CNOT6L: variants seen among roughly 807,000 people sequenced by gnomAD.
CNOT6L encodes CCR4-NOT transcription complex subunit 6 like.
A neutral mutation model predicts 64.0 loss-of-function variants in CNOT6L; 7 were observed. The observed-to-expected ratio is 0.11, with a 90% CI of 0.06 to 0.21. CNOT6L has a LOEUF of 0.21. CNOT6L is among the 10% of genes least tolerant of loss of function. The pLI is 1.00. For missense variants in CNOT6L, 245 were observed against 669.0 expected (o/e 0.37, Z 6.99); for synonymous variants, 193 against 243.4 (o/e 0.79, Z 1.93).
chr4:77,818,975 TGCGA>T lies in CNOT6L; in HGVS notation c.5+325_5+328del, dbSNP rs779638506. 6 of 664,488 alleles carry T rather than the reference TGCGA, an allele frequency of 9.0e-6. No individual in the cohort carries two copies. In the South Asian group the frequency reaches 9.2e-5, roughly 10 times the overall value. The allele number at this position is 664,488 out of a possible 1,614,324, so 41.2% of individuals were successfully genotyped here. A position where few individuals can be genotyped will look rare whatever the true frequency, so the allele number is the denominator to read the frequency against. ...CGGCCCCCTAGGAGCAGCTCTCACCTGCGAGGCTCGGGAGCCGCAGCCACAAAGC... is the reference window on the plus strand; with the variant it reads ...CGGCCCCCTAGGAGCAGCTCTCACCTGGCTCGGGAGCCGCAGCCACAAAGC... On this transcript the variant is annotated intron_variant, in intron 1 of 11. Transcript: ENST00000504123.
intron 1 of CNOT6L, among the ~76,000 whole-genome samples, chr4:77,810,599 A>T (rs2110176126): frequency 6.6e-6 from 1 of 152,314 alleles, no homozygotes; most frequent in South Asian, 2.1e-4. Context: ...AGATCAAGGT[A>T]ATCAGCATAT....
chr4:77,801,275 T>C (rs1366587784), intron 1 of CNOT6L, among the ~76,000 whole-genome samples: 1 of 152,194 alleles, frequency 6.6e-6, no homozygotes, highest in Non-Finnish European at 1.5e-5. Flanking sequence ...CTTCAATTCC[T>C]AGGTTTTCCT....
intron 1 of CNOT6L, among the ~76,000 whole-genome samples, chr4:77,798,875 A>G (rs1363514900): frequency 1.3e-5 from 2 of 151,538 alleles, no homozygotes; most frequent in African/African-American, 4.8e-5. Flanking sequence ...CCAGCTACTA[A>G]GGCAGCCGAG....
chr4:77,817,980 G>A (rs557467926), intron 1 of CNOT6L, among the ~76,000 whole-genome samples: 2 of 152,214 alleles, frequency 1.3e-5, no homozygotes, highest in African/African-American at 4.8e-5. Context: ...ATGTACTGTA[G>A]ACCTATTGGC....
At chr4:77,807,673 G>C (rs183208277) in intron 1 of CNOT6L, among the ~76,000 whole-genome samples, 33 of 152,346 alleles carry the variant, frequency 2.2e-4, no homozygotes, top group African/African-American at 7.5e-4. Context: ...ATATGTGAGA[G>C]AGAGTAGTAA....
At chr4:77,775,480 T>C (rs1728048276) in intron 2 of CNOT6L, among the ~76,000 whole-genome samples, 1 of 151,846 alleles carries the variant, frequency 6.6e-6, no homozygotes, top group Non-Finnish European at 1.5e-5. Context: ...ACACAGAGAG[T>C]TCCTATATAC....
intron 1 of CNOT6L, among the ~76,000 whole-genome samples, chr4:77,816,513 T>C (rs945944269): frequency 3.3e-5 from 5 of 152,154 alleles, no homozygotes; most frequent in African/African-American, 1.2e-4. Flanking sequence ...TTCTAATAGT[T>C]GCCCCTAGTT....
Position 77,742,343 on chromosome 4 carries a change from G to A in CNOT6L, c.718-48C>T, listed in dbSNP as rs368006951. The A allele has an allele frequency of 4.0e-6, 6 of 1,502,690 alleles. No individual in the cohort carries two copies. The African/African-American group carries it at 5.5e-5, about 14-fold the overall frequency. 93.1% of individuals were successfully genotyped at this position (1,502,690 alleles called of 1,614,324 possible). The stretch of plus-strand genomic sequence containing the variant: ...ATCTATATGACAGAGGGAAAATGCT[G>A]ATTAAGATATAAAAATGTTCAGCAT... On this transcript the variant is annotated intron_variant, in intron 7 of 11. Transcript: ENST00000504123.
chr4:77,797,818 AC>A (rs1354589615), intron 1 of CNOT6L, among the ~76,000 whole-genome samples: 1 of 152,184 alleles, frequency 6.6e-6, no homozygotes, highest in African/African-American at 2.4e-5. Flanking sequence ...TATATCCTCC[AC>A]AAATAAGGGT....
chr4:77,771,585 T>G (rs1727564654), intron 4 of CNOT6L, among the ~76,000 whole-genome samples: 1 of 152,214 alleles, frequency 6.6e-6, no homozygotes, highest in Non-Finnish European at 1.5e-5. Flanking sequence ...CCCTCTCTAC[T>G]TCATATGTGA....
intron 4 of CNOT6L, among the ~76,000 whole-genome samples, chr4:77,767,980 C>CA (rs11455356): frequency 0.34 from 28,899 of 85,642 alleles, 2,870 homozygotes; most frequent in East Asian, 0.48. Flanking sequence ...ACTTTGTCCC[C>CA]AAAAAAAAAA....
intron 9 of CNOT6L, among the ~76,000 whole-genome samples, chr4:77,730,391 ATAT>A (rs1722314447): frequency 6.6e-6 from 1 of 152,106 alleles, no homozygotes; most frequent in South Asian, 2.1e-4. Flanking sequence ...CATAAGCACT[ATAT>A]TACTAAATTC....
At chr4:77,736,829 AC>A (rs1259989709) in intron 8 of CNOT6L, among the ~76,000 whole-genome samples, 1 of 152,202 alleles carries the variant, frequency 6.6e-6, no homozygotes, top group Non-Finnish European at 1.5e-5. Flanking sequence ...TGAAAAAAAA[AC>A]TAGACGAAAG....
chr4:77,792,330 T>C (rs2110112485), intron 1 of CNOT6L, among the ~76,000 whole-genome samples: 1 of 151,916 alleles, frequency 6.6e-6, no homozygotes, highest in South Asian at 2.1e-4. Context: ...GTTTGAACAA[T>C]CAGCAAATTA....
chr4:77,727,242 T>G (rs957192480), intron 10 of CNOT6L, among the ~76,000 whole-genome samples: 3 of 152,084 alleles, frequency 2.0e-5, no homozygotes, highest in Non-Finnish European at 4.4e-5. Context: ...ATGAAGTAGA[T>G]AACATGATTC....
intron 11 of CNOT6L, among the ~76,000 whole-genome samples, chr4:77,722,829 T>C (rs935045442): frequency 6.6e-6 from 1 of 152,192 alleles, no homozygotes; most frequent in African/African-American, 2.4e-5. Context: ...AAAAAGGTTA[T>C]AGACTAATGA....
chr4:77,723,913 T>A (rs1721558663), intron 11 of CNOT6L, among the ~76,000 whole-genome samples: 1 of 152,184 alleles, frequency 6.6e-6, no homozygotes, highest in African/African-American at 2.4e-5. Flanking sequence ...TGGATTAATG[T>A]CCCAAATTGT....
intron 1 of CNOT6L, among the ~76,000 whole-genome samples, chr4:77,791,133 CCAGG>C (rs1218636355): frequency 6.6e-6 from 1 of 151,994 alleles, no homozygotes; most frequent in Non-Finnish European, 1.5e-5. Flanking sequence ...AAAAAATTAG[CCAGG>C]CATGATGGTG....
At chr4:77,748,831 C>T (rs564354883) in intron 5 of CNOT6L, among the ~76,000 whole-genome samples, 1 of 151,990 alleles carries the variant, frequency 6.6e-6, no homozygotes, top group Admixed American at 6.6e-5. Context: ...TCTAGTGGGG[C>T]CTTCATTTTC....
Sources: allele counts gnomAD v4.1 joint callset (sites outside exome capture counted in the v4.1 genomes callset), GRCh38; gene constraint gnomAD v4.1.1; transcripts MANE v1.5; gene names NCBI Gene and HGNC (gene_info 2026-07-23, HGNC 2026-07-21).